Variants in ZNF831 observed in about 807,000 individuals in gnomAD.
The protein encoded by ZNF831 is zinc finger protein 831, also known as chromosome 20 open reading frame 174.
In ZNF831, 59 loss-of-function variants were observed where a neutral mutation model predicts 95.8. The observed-to-expected ratio is 0.62, with a 90% CI of 0.50 to 0.77. The LOEUF (loss-of-function observed/expected upper bound fraction) is 0.77. Ranked by LOEUF, ZNF831 falls within the 30% of genes least tolerant of loss-of-function variation. The pLI, the probability that ZNF831 is intolerant of heterozygous loss-of-function variation, is 0.00. For synonymous variants in ZNF831, 961 were observed against 925.5 expected, an observed-to-expected ratio of 1.04 and a Z score of -0.70; for missense variants, 2,205 against 2,164.0, an observed-to-expected ratio of 1.02 and a Z score of -0.38.
chr20:59,253,859 T>TACCC, intron 5 of ZNF831, 39 bp from the exon 6 acceptor site: 1 of 915,764 alleles, frequency 1.1e-6, no homozygotes, highest in Non-Finnish European at 1.4e-6. Context: ...CCAATTAACC[T>TACCC]CCCCCCCCAC....
At position 59,192,427 on chromosome 20, in the gene ZNF831, G is replaced by C. The variant is rs780396810; in HGVS notation, c.1408G>C (p.Val470Leu). 3 of 1,609,072 alleles carry C rather than the reference G, an allele frequency of 1.9e-6. No individual in the cohort carries two copies. In the Admixed American group the frequency reaches 5.1e-5, roughly 27 times the overall value. Residue 470 changes from valine (V) to leucine (L), a missense_variant, in exon 2 of 6, where the codon GTG becomes CTG. Val to Leu is a conservative substitution (Grantham distance 32). Coordinates refer to ENST00000371030, the MANE Select transcript of ZNF831 (RefSeq NM_178457.3). This position sits in a 1 kb window ranked among gnomAD's most constrained non-coding sequence, Gnocchi z 5.2. ...EPGRRRAPGP[V>L]RSTWTPPDKS... ...AGGCCGTAGGAGGGCCCCGGGCCCC[G>C]TGCGCTCCACCTGGACGCCCCCAGA...
At chr20:59,127,028 A>G (rs998988008) in intron 1 of ZNF831, among the ~76,000 whole-genome samples, 11 of 151,746 alleles carry the variant, frequency 7.2e-5, no homozygotes, top group Non-Finnish European at 1.3e-4. Flanking sequence ...CACTGCCCCT[A>G]CCTACCTCAT....
At position 59,175,041 on chromosome 20, in the gene ZNF831, GA is replaced by G. The variant is rs146715376; in HGVS notation, c.-37+10839del. On this transcript the variant is annotated intron_variant, in intron 1 of 5. Coordinates refer to ENST00000371030, the MANE Select transcript of ZNF831 (RefSeq NM_178457.3). ...TGACACTTCCTTTCCATCAGCTCTTGAAAAATGTGATACCCTTTTCTACTTG... is the reference window on the plus strand; with the variant it reads ...TGACACTTCCTTTCCATCAGCTCTTGAAAATGTGATACCCTTTTCTACTTG... Among the ~76,000 whole-genome samples the G allele has an allele frequency of 6.6e-3, 1,012 of 152,266 alleles. 5 individuals are homozygous for G. Among genetic ancestry groups the G allele is most frequent in the Non-Finnish European group, 8.6e-3 (588 of 68,020 alleles).
intron 4 of ZNF831, among the ~76,000 whole-genome samples, chr20:59,222,322 C>T (rs992779317): frequency 6.6e-6 from 1 of 152,098 alleles, no homozygotes; most frequent in Non-Finnish European, 1.5e-5. Context: ...CCTGGCTGGG[C>T]GCTCCCGAGA....
rs545600705 is a variant in ZNF831, at chr20:59,213,249, C to T, written c.4027+6193C>T. Among the ~76,000 whole-genome samples, 4 of 152,144 alleles carry T rather than the reference C, an allele frequency of 2.6e-5. No homozygotes were observed. In the East Asian group the frequency reaches 7.7e-4, roughly 29 times the overall value. The stretch of plus-strand genomic sequence containing the variant: ...TTGACTACGTTTTGTTGATTTTTAA[C>T]AATTAGCTCATAGTTTGCCATTATA... On this transcript the variant is annotated intron_variant, in intron 4 of 5. Coordinates refer to ENST00000371030, the MANE Select transcript of ZNF831 (RefSeq NM_178457.3).
At chr20:59,233,539 C>A (rs1019741556) in intron 4 of ZNF831, among the ~76,000 whole-genome samples, 3 of 152,154 alleles carry the variant, frequency 2.0e-5, no homozygotes, top group Middle Eastern at 3.2e-3. Flanking sequence ...TATCAGGAAA[C>A]AGCAAAGAAT....
At chr20:59,202,266 A>AT (rs904797140) in intron 3 of ZNF831, among the ~76,000 whole-genome samples, 2 of 137,962 alleles carry the variant, frequency 1.4e-5, no homozygotes, top group East Asian at 4.2e-4. Flanking sequence ...TTATTTAATT[A>AT]TTTTTTTAAT....
At chr20:59,248,274 G>A (rs6092755) in intron 4 of ZNF831, among the ~76,000 whole-genome samples, 12,330 of 152,264 alleles carry the variant, frequency 0.081, 1,296 homozygotes, top group African/African-American at 0.24. Flanking sequence ...GTGTGATGCT[G>A]AAGCCTCAAT....
Position 59,193,792 on chromosome 20 carries a change from G to T in ZNF831, c.2773G>T (p.Ala925Ser), listed in dbSNP as rs761912645. The T allele has an allele frequency of 4.3e-5, 69 of 1,609,078 alleles. No homozygotes were observed. Among genetic ancestry groups the T allele is most frequent in the Non-Finnish European group, 5.8e-5 (68 of 1,177,558 alleles). Residue 925 changes from alanine (A) to serine (S), a missense_variant, in exon 2 of 6, where the codon GCT (alanine) becomes TCT (serine). By Grantham distance (99) the Ala-to-Ser change is moderately conservative. Coordinates refer to ENST00000371030, the MANE Select transcript of ZNF831 (RefSeq NM_178457.3). ...CCCCTCGCTGGCCACCCCACCTCAG[G>T]CTCCTAGAGTGCTCTCTGCCCTGGC... ...EHPSLATPPQ[A>S]PRVLSALADN...
In ZNF831 at chr20:59,129,254, T is replaced by C. The variant is rs774397671; in HGVS notation, c.-1425+5749T>C. 3.2e-4 allele frequency among the ~76,000 whole-genome samples: 49 copies of C among 151,686 alleles called. 1 individual carries two copies. In the Middle Eastern group the frequency reaches 0.014, roughly 42 times the overall value. On this transcript the variant is annotated intron_variant, in intron 1 of 7. Coordinates refer to the ZNF831 transcript ENST00000637017. ...ATGTGTGTGCATGTGCATGTGTGTA[T>C]GTGTGTGTTGTGTGTGTGTATCTAG...
At chr20:59,251,452 T>G (rs1987883320) in intron 4 of ZNF831, among the ~76,000 whole-genome samples, 1 of 152,266 alleles carries the variant, frequency 6.6e-6, no homozygotes, top group Admixed American at 6.5e-5. Flanking sequence ...CGATTTTGAA[T>G]GTCATACCCA....
rs2146555373 is a variant in ZNF831, at chr20:59,191,868, C to T, written c.849C>T (p.Ala283=). 1 of 1,613,162 alleles carries T rather than the reference C, an allele frequency of 6.2e-7. No individual in the cohort carries two copies. Among genetic ancestry groups the T allele is most frequent in the Non-Finnish European group, 8.5e-7 (1 of 1,179,974 alleles). The part of the protein sequence containing the change: ...FADREAPWDS[A]PMASPGLPAA... ...ACAGAGAGGCTCCTTGGGACTCTGC[C>T]CCCATGGCGTCACCTGGGCTCCCAG... The change falls in exon 2 of 6, where the codon GCC becomes GCT. Residue 283 remains alanine, a synonymous_variant. Transcript: ENST00000371030.
At chr20:59,200,688 A>G (rs1324194098) in intron 3 of ZNF831, among the ~76,000 whole-genome samples, 1 of 152,104 alleles carries the variant, frequency 6.6e-6, no homozygotes, top group Admixed American at 6.5e-5. Flanking sequence ...GTCACATAGG[A>G]TAGTTTGCCT....
In ZNF831 at chr20:59,191,299, G is replaced by C. The variant is rs780973879; in HGVS notation, c.280G>C (p.Val94Leu). ...CAACGTGCCCTTCATACTCAGCCCTGTGCTGCAGCCTGAAGGGCCTGGCCC... is the reference window on the plus strand; with the variant it reads ...CAACGTGCCCTTCATACTCAGCCCTCTGCTGCAGCCTGAAGGGCCTGGCCC... The part of the protein sequence containing the change: ...GGNVPFILSP[V>L]LQPEGPGPTQ... Residue 94 changes from valine to leucine, a missense_variant, in exon 2 of 6, where the codon GTG becomes CTG. By Grantham distance (32) the Val-to-Leu change is conservative (BLOSUM62 1). Coordinates refer to ENST00000371030, the MANE Select transcript of ZNF831 (RefSeq NM_178457.3). 30 of 1,590,810 alleles carry C rather than the reference G, an allele frequency of 1.9e-5. No homozygotes were observed. In the East Asian group the frequency reaches 5.9e-4, roughly 32 times the overall value.
chr20:59,232,994 G>GCGCGCACACA (rs1491469214), intron 4 of ZNF831, among the ~76,000 whole-genome samples: 1 of 122,990 alleles, frequency 8.1e-6, no homozygotes, highest in African/African-American at 3.1e-5. Context: ...GGACCCTGAG[G>GCGCGCACACA]CACACACACA....
intron 1 of ZNF831, among the ~76,000 whole-genome samples, chr20:59,137,276 C>A (rs1007261731): frequency 8.0e-5 from 4 of 50,158 alleles, no homozygotes; most frequent in Admixed American, 3.1e-4. Flanking sequence ...GCTTCCAATA[C>A]ATCTTTTTTT....
chr20:59,157,455 G>A (rs1980602462), intron 2 of ZNF831, among the ~76,000 whole-genome samples: 1 of 152,188 alleles, frequency 6.6e-6, no homozygotes, highest in Non-Finnish European at 1.5e-5. Flanking sequence ...TATCATTTGA[G>A]AGCCCTGCCA....
At chr20:59,209,920 C>G (rs1032757065) in intron 4 of ZNF831, among the ~76,000 whole-genome samples, 1 of 152,180 alleles carries the variant, frequency 6.6e-6, no homozygotes, top group African/African-American at 2.4e-5. Context: ...AGGAGCCTCA[C>G]TAAACGTGGG....
intron 1 of ZNF831, among the ~76,000 whole-genome samples, chr20:59,181,701 G>A (rs1157135197): frequency 6.6e-6 from 1 of 151,582 alleles, no homozygotes; most frequent in Non-Finnish European, 1.5e-5. Flanking sequence ...TATTTCTGAG[G>A]TCTCTGTTCT....
Sources: allele counts gnomAD v4.1 joint callset (sites outside exome capture counted in the v4.1 genomes callset), GRCh38; gene constraint gnomAD v4.1.1; non-coding constraint Gnocchi (gnomAD v3.1); transcripts MANE v1.5; gene names NCBI Gene and HGNC (gene_info 2026-07-23, HGNC 2026-07-21).